The following STAM variants were observed in gnomAD, a reference collection of about 807,000 sequenced individuals.
STAM encodes signal transducing adaptor molecule.
STAM carries 16 observed loss-of-function variants against 63.4 expected under a neutral mutation model. The ratio of observed to expected loss-of-function variants is 0.25; its 90% CI spans 0.17 to 0.38. STAM has a LOEUF of 0.38. Ranked by LOEUF, STAM falls within the 10% of genes least tolerant of loss-of-function variation. The pLI, the probability that STAM is intolerant of heterozygous loss-of-function variation, is 1.00. For missense variants in STAM, 636 were observed against 657.1 expected, an observed-to-expected ratio of 0.97 and a Z score of 0.35; for synonymous variants, 238 against 223.9, an observed-to-expected ratio of 1.06 and a Z score of -0.56.
chr10:17,675,276 G>C (rs1348163270), intron 2 of STAM, among the ~76,000 whole-genome samples: 1 of 152,154 alleles, frequency 6.6e-6, no homozygotes, highest in Non-Finnish European at 1.5e-5. Flanking sequence ...GGCCAAGGTG[G>C]GTGGATCACC....
At chr10:17,649,223 A>T (rs1403827878) in intron 1 of STAM, among the ~76,000 whole-genome samples, 1 of 152,130 alleles carries the variant, frequency 6.6e-6, no homozygotes, top group Non-Finnish European at 1.5e-5. Flanking sequence ...GGGCAACATA[A>T]TGAGACCCTG....
intron 1 of STAM, among the ~76,000 whole-genome samples, chr10:17,651,536 A>G (rs12250033): frequency 0.11 from 17,238 of 152,130 alleles, 1,054 homozygotes; most frequent in Middle Eastern, 0.16. Flanking sequence ...GTATTCTTTG[A>G]TTCTTCTGTC....
intron 8 of STAM, among the ~76,000 whole-genome samples, chr10:17,699,744 A>C (rs1349613284): frequency 6.6e-6 from 1 of 152,210 alleles, no homozygotes. Flanking sequence ...ACATTGGAGT[A>C]GTGTGGATTT....
intron 8 of STAM, among the ~76,000 whole-genome samples, chr10:17,697,733 GA>G (rs1197997256): frequency 2.0e-5 from 3 of 151,894 alleles, no homozygotes; most frequent in African/African-American, 7.3e-5. Flanking sequence ...TAGGAAAACA[GA>G]AAAATATGTT....
At position 17,715,451 on chromosome 10, in the gene STAM, C is replaced by G. The variant is rs980995314; in HGVS notation, c.*671C>G. On this transcript the variant is annotated 3_prime_UTR_variant, in exon 14 of 14. Transcript: ENST00000377524. ...CATGTCTTTCTGTAGCCTCTGCATA[C>G]TACTGGCTGTCATCACACCAGCGTA... 6.6e-6 allele frequency: 1 copy of G among 152,220 alleles called. No individual in the cohort carries two copies. Among genetic ancestry groups the G allele is most frequent in the Non-Finnish European group, 1.5e-5 (1 of 68,100 alleles). 9.4% of individuals were successfully genotyped at this position (152,220 alleles called of 1,614,324 possible).
intron 1 of STAM, 45 bp downstream of exon 1, chr10:17,644,424 C>G: frequency 3.1e-6 from 5 of 1,611,096 alleles, no homozygotes; most frequent in Non-Finnish European, 4.2e-6. Flanking sequence ...CCGGACTGCA[C>G]GCTCACTCTG....
In STAM at chr10:17,709,096, AGCCTCT is replaced by A. The variant is rs1386659368; in HGVS notation, c.1385+147_1385+152del. On this transcript the variant is annotated intron_variant, in intron 13 of 13. Coordinates refer to ENST00000377524, the MANE Select transcript of STAM (RefSeq NM_003473.4). Reference sequence around the variant, plus strand: ...CCCCATTTGTGCTAATGAGTGGTGGAGCCTCTGTGGTATTCCAGTACCAGCCAGCAA... The same window carrying A: ...CCCCATTTGTGCTAATGAGTGGTGGAGTGGTATTCCAGTACCAGCCAGCAA... 112 of 937,888 alleles carry A rather than the reference AGCCTCT, an allele frequency of 1.2e-4. 1 individual carries two copies. In the African/African-American group the frequency reaches 1.7e-3, roughly 15 times the overall value. The allele number at this position is 937,888 out of a possible 1,614,324, so 58.1% of individuals were successfully genotyped here. A position where few individuals can be genotyped will look rare whatever the true frequency, so the allele number is the denominator to read the frequency against.
intron 2 of STAM, among the ~76,000 whole-genome samples, chr10:17,671,583 G>C (rs982312811): frequency 6.6e-6 from 1 of 152,096 alleles, no homozygotes; most frequent in Non-Finnish European, 1.5e-5. Flanking sequence ...CATGACAGGC[G>C]GGTTACTACT....
Position 17,690,077 on chromosome 10 carries a change from C to T in STAM, c.444+1904C>T, listed in dbSNP as rs150703017. 3.8e-3 allele frequency among the ~76,000 whole-genome samples: 583 copies of T among 152,298 alleles called. 2 individuals carry two copies. Among genetic ancestry groups the T allele is most frequent in the African/African-American group, 0.012 (479 of 41,552 alleles). ...GTTTTAGGGAGCCTCTAATCTAATCCGCTCATTTTTACAGATGAGGAAACT... is the reference window on the plus strand; with the variant it reads ...GTTTTAGGGAGCCTCTAATCTAATCTGCTCATTTTTACAGATGAGGAAACT... On this transcript the variant is annotated intron_variant, in intron 5 of 13. Transcript: ENST00000377524.
intron 2 of STAM, among the ~76,000 whole-genome samples, chr10:17,670,787 A>G (rs1189938915): frequency 2.0e-5 from 3 of 151,750 alleles, no homozygotes; most frequent in Non-Finnish European, 4.4e-5. Context: ...TCTCATAAGA[A>G]ATGCCTACTT....
chr10:17,705,407 AC>A (rs1836215504), intron 11 of STAM, among the ~76,000 whole-genome samples, 180 bp from the exon 12 acceptor site: 2 of 152,170 alleles, frequency 1.3e-5, no homozygotes, highest in Non-Finnish European at 2.9e-5. Context: ...CAGCACGTAA[AC>A]CTTAAACAGT....
chr10:17,658,659 A>AT lies in STAM; in HGVS notation c.41-1797dup, dbSNP rs1393137356. Among the ~76,000 whole-genome samples the AT allele has an allele frequency of 9.9e-5, 15 of 151,256 alleles. No homozygotes were observed. In the East Asian group the frequency reaches 1.8e-3, roughly 18 times the overall value. Reference sequence around the variant, plus strand: ...CTGAGTATGTTCAGCTAATTTTTGTATTTTTTTTGTAGAGGAGAGGTTTCG... The same window carrying AT: ...CTGAGTATGTTCAGCTAATTTTTGTATTTTTTTTTGTAGAGGAGAGGTTTCG... On this transcript the variant is annotated intron_variant, in intron 1 of 13. Transcript: ENST00000377524.
chr10:17,713,696 C>G (rs564952508), intron 13 of STAM, among the ~76,000 whole-genome samples: 10 of 152,208 alleles, frequency 6.6e-5, no homozygotes, highest in South Asian at 2.1e-4. Flanking sequence ...TCTCCCATCT[C>G]CACCATTACT....
intron 12 of STAM, among the ~76,000 whole-genome samples, chr10:17,706,340 A>G (rs1589111355): frequency 8.4e-6 from 1 of 118,826 alleles, no homozygotes; most frequent in African/African-American, 3.2e-5. Flanking sequence ...CTCCAGACCT[A>G]TTGAATCAGA....
chr10:17,674,771 C>T (rs553131331), intron 2 of STAM, among the ~76,000 whole-genome samples: 6 of 152,268 alleles, frequency 3.9e-5, no homozygotes, highest in Non-Finnish European at 8.8e-5. Context: ...GAATTATTAT[C>T]ATAGTTATCT....
At chr10:17,694,622 G>C (rs1437464405) in intron 6 of STAM, among the ~76,000 whole-genome samples, 1 of 152,006 alleles carries the variant, frequency 6.6e-6, no homozygotes, top group African/African-American at 2.4e-5. Context: ...ATAAAATCTC[G>C]ATTCTCCAAG....
chr10:17,683,366 T>C (rs1302401495), intron 2 of STAM, among the ~76,000 whole-genome samples: 2 of 152,132 alleles, frequency 1.3e-5, no homozygotes, highest in Non-Finnish European at 2.9e-5. Context: ...TTCACAGTGT[T>C]GCCCAGGCTG....
intron 9 of STAM, among the ~76,000 whole-genome samples, chr10:17,703,551 A>G (rs149926713): frequency 1.7e-3 from 253 of 152,290 alleles, no homozygotes; most frequent in African/African-American, 5.9e-3. Flanking sequence ...AGTAGTGGTC[A>G]TGGTAAAGTA....
intron 1 of STAM, among the ~76,000 whole-genome samples, chr10:17,654,279 G>A (rs751745318): frequency 6.6e-6 from 1 of 152,088 alleles, no homozygotes. Flanking sequence ...CTGGAGTGCA[G>A]TGGCATGATC....
Sources: gnomAD v4.1 joint callset for allele counts (sites outside exome capture counted in the v4.1 genomes callset) on GRCh38, gnomAD v4.1.1 for gene constraint, MANE v1.5 for transcripts, NCBI Gene and HGNC (gene_info 2026-07-23, HGNC 2026-07-21) for gene names.